CREB3L2: variants seen among roughly 807,000 people sequenced by gnomAD.
The protein encoded by CREB3L2 is cyclic AMP-responsive element-binding protein 3-like protein 2.
A neutral mutation model predicts 57.2 loss-of-function variants in CREB3L2; 23 were observed. The observed-to-expected ratio is 0.40, with a 90% CI of 0.29 to 0.57. The LOEUF is 0.57. CREB3L2 is among the 20% of genes least tolerant of loss of function. The pLI is 0.42. For synonymous variants in CREB3L2, 268 were observed against 265.1 expected (o/e 1.01, Z -0.11); for missense variants, 628 against 634.7 (o/e 0.99, Z 0.11).
intron 1 of CREB3L2, among the ~76,000 whole-genome samples, chr7:137,975,293 C>G (rs912471855): frequency 2.0e-5 from 3 of 152,078 alleles, no homozygotes; most frequent in Admixed American, 6.5e-5. Context: ...GCTGTGAGCC[C>G]AAGAGGCTCT....
rs1315611261 is a variant in CREB3L2, at chr7:137,937,754, G to C, written c.103-9388C>G. 2.6e-5 allele frequency among the ~76,000 whole-genome samples: 4 copies of C among 150,986 alleles called. No homozygotes were observed. The East Asian group carries it at 5.8e-4, about 22-fold the overall frequency. On this transcript the variant is annotated intron_variant, in intron 1 of 11. Transcript: ENST00000330387. ...TATTTTGGGGAGGGTGTTTTGTTCT[G>C]AAGTGATATTTGCTTTACTGAAATT...
At chr7:137,881,650 G>A (rs944194406) in intron 11 of CREB3L2, among the ~76,000 whole-genome samples, 24 of 152,140 alleles carry the variant, frequency 1.6e-4, no homozygotes, top group African/African-American at 4.1e-4. Flanking sequence ...CATTTACATC[G>A]GAACGGCCTC....
In CREB3L2 at chr7:137,935,327, A is replaced by G. The variant is rs560840019; in HGVS notation, c.103-6961T>C. ...AAATGTTGGCATTTTCTACTTGCACACCAGCTTCTCGCATTGTTCTTCCTA... is the reference window on the plus strand; with the variant it reads ...AAATGTTGGCATTTTCTACTTGCACGCCAGCTTCTCGCATTGTTCTTCCTA... On this transcript the variant is annotated intron_variant, in intron 1 of 11. Coordinates refer to ENST00000330387, the MANE Select transcript of CREB3L2 (RefSeq NM_194071.4). Among the ~76,000 whole-genome samples, 61 of 152,314 alleles carry G rather than the reference A, an allele frequency of 4.0e-4. No individual in the cohort carries two copies. The Middle Eastern group carries it at 0.014, about 34-fold the overall frequency.
At chr7:137,966,463 GA>G (rs1465378355) in intron 1 of CREB3L2, among the ~76,000 whole-genome samples, 1 of 152,124 alleles carries the variant, frequency 6.6e-6, no homozygotes, top group Non-Finnish European at 1.5e-5. Flanking sequence ...TATGGAATTG[GA>G]ATATTTAAGA....
chr7:137,914,852 C>A (rs990240685), intron 3 of CREB3L2, among the ~76,000 whole-genome samples: 1 of 152,072 alleles, frequency 6.6e-6, no homozygotes, highest in Admixed American at 6.6e-5. Context: ...TCTGTGTTAC[C>A]ATATTCTGAA....
chr7:137,972,730 TATATATAGAGAGAGAGAGAG>T lies in CREB3L2; in HGVS notation c.102+28854_102+28873del, dbSNP rs1315057687. Among the ~76,000 whole-genome samples the T allele has an allele frequency of 5.3e-3, 144 of 27,316 alleles. 3 individuals are homozygous for T. The highest frequency in any genetic ancestry group is 8.9e-3 in the South Asian group (6 of 676). 17.9% of individuals were successfully genotyped at this position (27,316 alleles called of 152,430 possible). ...AAAAAAAAATATATATATATATATA[TATATATAGAGAGAGAGAGAG>T]AGAGAGAGAGAGAGAGAGAGAAAAG... On this transcript the variant is annotated intron_variant, in intron 1 of 11. Transcript: ENST00000330387.
chr7:137,905,980 G>T, intron 5 of CREB3L2, 132 bp from the exon 6 acceptor site: 2 of 840,784 alleles, frequency 2.4e-6, no homozygotes, highest in Non-Finnish European at 3.6e-6. Flanking sequence ...TGCCCCATCT[G>T]CTTTGGGTGA....
At chr7:137,979,966 G>A (rs548713043) in intron 1 of CREB3L2, among the ~76,000 whole-genome samples, 19 of 152,304 alleles carry the variant, frequency 1.2e-4, no homozygotes, top group African/African-American at 4.6e-4. Flanking sequence ...TCAGTACCTG[G>A]TGCATGCGGA....
chr7:137,979,586 C>A (rs994767466), intron 1 of CREB3L2, among the ~76,000 whole-genome samples: 1 of 152,178 alleles, frequency 6.6e-6, no homozygotes, highest in East Asian at 1.9e-4. Flanking sequence ...ATTAGCCGGG[C>A]GTGGTGGTGG....
rs1563244428 is a variant in CREB3L2 at position 137,900,034 on chromosome 7, CAG to C, written c.1043+1318_1043+1319del. Among the ~76,000 whole-genome samples, 4 of 152,272 alleles carry C rather than the reference CAG, an allele frequency of 2.6e-5. No homozygotes were observed. In the East Asian group the frequency reaches 7.7e-4, roughly 29 times the overall value. ...CTTAATTTGTTGGATCTCTAACACT[CAG>C]GGTGACAGGAGTCTCTAAGAAATAA... On this transcript the variant is annotated intron_variant, in intron 8 of 11. Transcript: ENST00000330387.
At chr7:137,942,740 C>G (rs771609370) in intron 1 of CREB3L2, among the ~76,000 whole-genome samples, 2 of 152,164 alleles carry the variant, frequency 1.3e-5, no homozygotes, top group Non-Finnish European at 2.9e-5. Context: ...TATTCCCAAA[C>G]AGTTTGAGTA....
intron 1 of CREB3L2, among the ~76,000 whole-genome samples, chr7:137,978,763 T>A (rs1161036260): frequency 5.9e-5 from 9 of 151,976 alleles, no homozygotes; most frequent in Non-Finnish European, 5.9e-5. Context: ...GGCAGCTGAG[T>A]CCCCACAAAG....
intron 1 of CREB3L2, among the ~76,000 whole-genome samples, chr7:137,986,069 C>G (rs570125647): frequency 6.6e-6 from 1 of 152,192 alleles, no homozygotes; most frequent in South Asian, 2.1e-4. Context: ...GACATAGTGA[C>G]ACTTTACTTA....
At chr7:137,893,542 G>C (rs1799563098) in intron 8 of CREB3L2, among the ~76,000 whole-genome samples, 1 of 152,150 alleles carries the variant, frequency 6.6e-6, no homozygotes, top group Non-Finnish European at 1.5e-5. Flanking sequence ...CCCACACACA[G>C]AAAACCATAA....
At chr7:137,990,104 T>C (rs1037184476) in intron 1 of CREB3L2, among the ~76,000 whole-genome samples, 9 of 152,220 alleles carry the variant, frequency 5.9e-5, no homozygotes, top group African/African-American at 2.2e-4. Flanking sequence ...TACAAAAGAA[T>C]GTCCAAGTCA....
intron 2 of CREB3L2, among the ~76,000 whole-genome samples, chr7:137,921,410 C>T (rs1800271454): frequency 6.6e-6 from 1 of 152,172 alleles, no homozygotes; most frequent in African/African-American, 2.4e-5. Flanking sequence ...GAAGCAAGTC[C>T]TTTACATCCA....
At chr7:137,970,168 C>A (rs1347079802) in intron 1 of CREB3L2, among the ~76,000 whole-genome samples, 9 of 152,168 alleles carry the variant, frequency 5.9e-5, no homozygotes, top group Admixed American at 5.2e-4. Context: ...GTGCCCAAAA[C>A]AGTATTGAAT....
intron 2 of CREB3L2, among the ~76,000 whole-genome samples, chr7:137,922,414 ATG>A (rs1554498030): frequency 0.028 from 833 of 29,732 alleles, 30 homozygotes; most frequent in African/African-American, 0.071. Flanking sequence ...ATATATATAT[ATG>A]TATATATATA....
At chr7:137,959,268 G>C (rs573189577) in intron 1 of CREB3L2, among the ~76,000 whole-genome samples, 5 of 152,234 alleles carry the variant, frequency 3.3e-5, no homozygotes, top group Non-Finnish European at 7.3e-5. Context: ...TGGGCCCCAA[G>C]AGTCTTTGGC....
Sources: allele counts gnomAD v4.1 joint callset (sites outside exome capture counted in the v4.1 genomes callset), GRCh38; gene constraint gnomAD v4.1.1; transcripts MANE v1.5; gene names NCBI Gene and HGNC (gene_info 2026-07-23, HGNC 2026-07-21).